The following USP31 variants were observed in gnomAD, a reference collection of about 807,000 sequenced individuals.
USP31 encodes the protein ubiquitin carboxyl-terminal hydrolase 31.
In USP31, 44 loss-of-function variants were observed where a neutral mutation model predicts 119.4. The ratio of observed to expected loss-of-function variants is 0.37; its 90% CI spans 0.29 to 0.47. The LOEUF is 0.47. Among genes scored for constraint, USP31 ranks in the 20% least tolerant of loss-of-function variants. The pLI, the probability that USP31 is intolerant of heterozygous loss-of-function variation, is 0.99. For synonymous variants in USP31, 749 were observed against 705.6 expected (o/e 1.06, Z -0.97); for missense variants, 1,643 against 1,730.2 (o/e 0.95, Z 0.89).
chr16:23,134,931 C>G (rs1596735675), intron 1 of USP31, among the ~76,000 whole-genome samples: 1 of 151,524 alleles, frequency 6.6e-6, no homozygotes, highest in Non-Finnish European at 1.5e-5. Flanking sequence ...CTATAGAGAG[C>G]TCTTATAAAG....
At chr16:23,095,277 C>T (rs1021932139) in intron 6 of USP31, among the ~76,000 whole-genome samples, 1 of 151,972 alleles carries the variant, frequency 6.6e-6, no homozygotes, top group African/African-American at 2.4e-5. Flanking sequence ...TGAAATAAAG[C>T]AAGAACACAA....
In USP31 at chr16:23,065,583, G is replaced by C. The variant is rs1297278007; in HGVS notation, c.*2463C>G. 5 of 152,460 alleles carry C rather than the reference G, an allele frequency of 3.3e-5. No homozygotes were observed. Among genetic ancestry groups the C allele is most frequent in the African/African-American group, 9.7e-5 (4 of 41,410 alleles). 9.4% of individuals were successfully genotyped at this position (152,460 alleles called of 1,614,324 possible). ...TCTAGACAATGCCATGATACTTCCTGATTTTTTCTATTAAACCTGAAACAA... is the reference window on the plus strand; with the variant it reads ...TCTAGACAATGCCATGATACTTCCTCATTTTTTCTATTAAACCTGAAACAA... On this transcript the variant is annotated 3_prime_UTR_variant, in exon 16 of 16. Transcript: ENST00000219689.
chr16:23,068,486 G>T lies in USP31; in HGVS notation c.3619C>A (p.Pro1207Thr). The T allele has an allele frequency of 6.2e-7, 1 of 1,613,392 alleles. No individual in the cohort carries two copies. The highest frequency in any genetic ancestry group is 1.1e-5 in the South Asian group (1 of 91,058). Reference sequence around the variant, plus strand: ...AAACCAGACTTGATGCTTGTGCTGGGGGAGCGCAGGCTGGCCATGGAGGAG... The same window carrying T: ...AAACCAGACTTGATGCTTGTGCTGGTGGAGCGCAGGCTGGCCATGGAGGAG... Reference protein sequence around the residue: ...RSSSMASLRSPSTSIKSGLKR... With the variant: ...RSSSMASLRSTSTSIKSGLKR... The change falls in exon 16 of 16, where the codon CCC (proline) becomes ACC (threonine). Residue 1207 changes from proline to threonine, a missense_variant. Coordinates refer to ENST00000219689, the MANE Select transcript of USP31 (RefSeq NM_020718.4).
At chr16:23,119,028 T>C (rs1360038113) in intron 1 of USP31, among the ~76,000 whole-genome samples, 1 of 151,942 alleles carries the variant, frequency 6.6e-6, no homozygotes, top group African/African-American at 2.4e-5. Flanking sequence ...CCCTATGCTG[T>C]ATTCTTATTT....
chr16:23,093,175 C>A (rs1486859480), intron 6 of USP31, among the ~76,000 whole-genome samples: 1 of 152,070 alleles, frequency 6.6e-6, no homozygotes. Flanking sequence ...AAAGAAAAAA[C>A]AGACTTCATC....
At chr16:23,101,402 T>C (rs1901850844) in intron 6 of USP31, among the ~76,000 whole-genome samples, 1 of 152,140 alleles carries the variant, frequency 6.6e-6, no homozygotes, top group South Asian at 2.1e-4. Context: ...GTAGGATTTC[T>C]AAGTAGAAAT....
chr16:23,137,550 C>T lies in USP31; in HGVS notation c.633+11088G>A, dbSNP rs74575928. 8.6e-3 allele frequency among the ~76,000 whole-genome samples: 1,302 copies of T among 150,970 alleles called. 23 individuals carry two copies. Among genetic ancestry groups the T allele is most frequent in the African/African-American group, 0.029 (1,211 of 41,328 alleles). ...ATTGATAAGTGATAATTTACTTATT[C>T]TGTCCTCTTCCTTTGGACGTTTTCC... is the stretch of plus-strand genomic sequence containing the variant. On this transcript the variant is annotated intron_variant, in intron 1 of 15. Transcript: ENST00000219689.
intron 6 of USP31, among the ~76,000 whole-genome samples, chr16:23,094,586 C>A (rs1431001746): frequency 6.6e-6 from 1 of 152,182 alleles, no homozygotes; most frequent in African/African-American, 2.4e-5. Context: ...CTGGGAGACA[C>A]CTCCCAGTAG....
chr16:23,103,242 C>T (rs565103616), intron 5 of USP31, among the ~76,000 whole-genome samples: 1 of 152,206 alleles, frequency 6.6e-6, no homozygotes, highest in South Asian at 2.1e-4. Flanking sequence ...GACTCTGAGG[C>T]TTTCTCCCAT....
chr16:23,134,225 A>AGG (rs1555469642), intron 1 of USP31, among the ~76,000 whole-genome samples: 2 of 152,196 alleles, frequency 1.3e-5, no homozygotes, highest in Non-Finnish European at 1.5e-5. Flanking sequence ...CAATAACACT[A>AGG]AACAGCACCA....
intron 1 of USP31, among the ~76,000 whole-genome samples, chr16:23,146,005 T>C (rs961807701): frequency 9.2e-5 from 14 of 152,196 alleles, no homozygotes; most frequent in Admixed American, 7.2e-4. Context: ...AATCAGTCTC[T>C]GTACTTCTAG....
At chr16:23,104,268 T>C (rs908615350) in intron 5 of USP31, among the ~76,000 whole-genome samples, 2 of 152,264 alleles carry the variant, frequency 1.3e-5, no homozygotes, top group Non-Finnish European at 2.9e-5. Flanking sequence ...TTCCTTCTAA[T>C]GAATTTAATG....
chr16:23,084,245 C>A (rs1298888801), intron 11 of USP31, among the ~76,000 whole-genome samples: 10 of 152,112 alleles, frequency 6.6e-5, no homozygotes, highest in Admixed American at 6.5e-4. Flanking sequence ...CAGGCCTGGG[C>A]CCCACCCAAA....
At chr16:23,116,834 G>A in intron 1 of USP31, among the ~76,000 whole-genome samples, 1 of 152,178 alleles carries the variant, frequency 6.6e-6, no homozygotes, top group South Asian at 2.1e-4. Context: ...TTCCATCCAG[G>A]ATGGAAAGAC....
At chr16:23,106,797 A>G (rs1235694645) in intron 2 of USP31, among the ~76,000 whole-genome samples, 6 of 152,114 alleles carry the variant, frequency 3.9e-5, no homozygotes, top group African/African-American at 1.2e-4. Flanking sequence ...TCCTCTAATA[A>G]GTAATCCCCA....
Position 23,108,028 on chromosome 16 carries a change from G to A in USP31, c.771+18C>T. Reference sequence around the variant, plus strand: ...TCTCATGGCTGGCTGACTGCCCTAGGGCAGCATGCGTCCTTACCTTCAGAG... The same window carrying A: ...TCTCATGGCTGGCTGACTGCCCTAGAGCAGCATGCGTCCTTACCTTCAGAG... On this transcript the variant is annotated intron_variant, in intron 2 of 15. Transcript: ENST00000219689. 1.2e-6 allele frequency: 2 copies of A among 1,606,478 alleles called. No individual in the cohort carries two copies. Among genetic ancestry groups the A allele is most frequent in the East Asian group, 2.2e-5 (1 of 44,648 alleles).
At chr16:23,124,996 C>A (rs1038252998) in intron 1 of USP31, among the ~76,000 whole-genome samples, 1 of 152,140 alleles carries the variant, frequency 6.6e-6, no homozygotes, top group Non-Finnish European at 1.5e-5. Flanking sequence ...AGAGGTGGAA[C>A]GTACTTCTCA....
intron 11 of USP31, among the ~76,000 whole-genome samples, chr16:23,083,221 T>C (rs951686999): frequency 3.9e-5 from 6 of 152,196 alleles, no homozygotes; most frequent in Admixed American, 2.6e-4. Context: ...ATGGAGCATA[T>C]ACTGTCTCAA....
chr16:23,142,873 A>G (rs184516215), intron 1 of USP31, among the ~76,000 whole-genome samples: 1 of 152,346 alleles, frequency 6.6e-6, no homozygotes, highest in East Asian at 1.9e-4. Context: ...GGACACCCTG[A>G]AGTCAGTGTG....
Sources: allele counts gnomAD v4.1 joint callset (sites outside exome capture counted in the v4.1 genomes callset), GRCh38; gene constraint gnomAD v4.1.1; transcripts MANE v1.5; gene names NCBI Gene and HGNC (gene_info 2026-07-23, HGNC 2026-07-21).